SLC39A11: variants seen among roughly 807,000 people sequenced by gnomAD.
SLC39A11 encodes zinc transporter ZIP11.
SLC39A11 carries 33 observed loss-of-function variants against 36.1 expected under a neutral mutation model. The ratio of observed to expected loss-of-function variants is 0.91; its 90% CI spans 0.69 to 1.22. The LOEUF is 1.22. Ranked by LOEUF, SLC39A11 falls within the 50% of genes most tolerant of loss-of-function variation. SLC39A11 has a pLI of 0.00. For synonymous variants in SLC39A11, 166 were observed against 170.3 expected, an observed-to-expected ratio of 0.97 and a Z score of 0.20; for missense variants, 432 against 430.3, an observed-to-expected ratio of 1.00 and a Z score of -0.03.
intron 7 of SLC39A11, among the ~76,000 whole-genome samples, chr17:72,729,438 TATATATATATATATATA>T (rs1567994970): frequency 3.4e-3 from 16 of 4,768 alleles, no homozygotes; most frequent in East Asian, 0.012. Context: ...TATATATATA[TATATATATATATATATA>T]TATTTTTTTT....
At chr17:72,873,899 G>C (rs2080769040) in intron 5 of SLC39A11, among the ~76,000 whole-genome samples, 1 of 152,106 alleles carries the variant, frequency 6.6e-6, no homozygotes, top group Non-Finnish European at 1.5e-5. Context: ...TGCTATTCTC[G>C]TGATTCCTTC....
chr17:72,976,996 G>A (rs1312459160), intron 4 of SLC39A11, among the ~76,000 whole-genome samples: 1 of 152,156 alleles, frequency 6.6e-6, no homozygotes, highest in Admixed American at 6.5e-5. Flanking sequence ...CAGGACCTAT[G>A]ACTATGACAC....
At chr17:72,827,979 A>T (rs2078102644) in intron 6 of SLC39A11, among the ~76,000 whole-genome samples, 1 of 152,254 alleles carries the variant, frequency 6.6e-6, no homozygotes, top group Non-Finnish European at 1.5e-5. Flanking sequence ...TTGAGGCTTC[A>T]CGTGGGCAAG....
chr17:72,653,305 C>A (rs1439309420), intron 7 of SLC39A11, among the ~76,000 whole-genome samples: 4 of 151,356 alleles, frequency 2.6e-5, no homozygotes, highest in Non-Finnish European at 5.9e-5. Context: ...GACAGGGTTT[C>A]AGAATATTAG....
chr17:73,070,690 G>T lies in SLC39A11; in HGVS notation c.147+14118C>A, dbSNP rs931833769. Among the ~76,000 whole-genome samples, 3 of 152,202 alleles carry T rather than the reference G, an allele frequency of 2.0e-5. No homozygotes were observed. The East Asian group carries it at 5.8e-4, about 29-fold the overall frequency. On this transcript the variant is annotated intron_variant, in intron 3 of 9. Transcript: ENST00000255559. ...TTCCCACATGTTGTGGGAGGGACCC[G>T]GTGGGAGGTAATTAAATCATGAGGG...
intron 7 of SLC39A11, among the ~76,000 whole-genome samples, chr17:72,688,948 C>T (rs372734101): frequency 2.6e-5 from 4 of 152,158 alleles, no homozygotes; most frequent in Non-Finnish European, 5.9e-5. Flanking sequence ...ATTCACACCC[C>T]GCAGGCTCTG....
chr17:72,858,590 G>A (rs371585595), intron 5 of SLC39A11, among the ~76,000 whole-genome samples: 33 of 152,220 alleles, frequency 2.2e-4, no homozygotes, highest in African/African-American at 7.2e-4. Flanking sequence ...TAATACTATC[G>A]ATTCTTCCTA....
chr17:72,942,913 G>A (rs1312365134), intron 5 of SLC39A11, among the ~76,000 whole-genome samples: 1 of 152,168 alleles, frequency 6.6e-6, no homozygotes, highest in African/African-American at 2.4e-5. Context: ...TTGAACTAGA[G>A]AAACCGTTCC....
intron 4 of SLC39A11, among the ~76,000 whole-genome samples, chr17:72,949,196 G>A (rs1271224037): frequency 2.2e-5 from 2 of 89,368 alleles, no homozygotes; most frequent in East Asian, 9.2e-4. Flanking sequence ...GTTTCACTCT[G>A]TCACCTAGGC....
intron 4 of SLC39A11, among the ~76,000 whole-genome samples, chr17:72,949,950 G>GACACAC (rs67207508): frequency 1.2e-4 from 17 of 146,252 alleles, no homozygotes; most frequent in African/African-American, 2.8e-4. Flanking sequence ...AGGCTGCTGT[G>GACACAC]ACACACACAC....
chr17:73,047,325 G>A (rs1052984796), intron 3 of SLC39A11, among the ~76,000 whole-genome samples: 1 of 152,120 alleles, frequency 6.6e-6, no homozygotes, highest in Non-Finnish European at 1.5e-5. Context: ...CGCCCGGCAA[G>A]AAGAACCACC....
Position 72,883,733 on chromosome 17 carries a change from G to A in SLC39A11, c.431-33929C>T, listed in dbSNP as rs1309331170. Among the ~76,000 whole-genome samples the A allele has an allele frequency of 3.9e-5, 6 of 152,190 alleles. No individual in the cohort carries two copies. In the East Asian group the frequency reaches 1.2e-3, roughly 29 times the overall value. On this transcript the variant is annotated intron_variant, in intron 5 of 9. Coordinates refer to ENST00000255559, the MANE Select transcript of SLC39A11 (RefSeq NM_139177.4). ...GGTCCAGGGGAAAGCCATGAAGATG[G>A]CTATTATACACACCTCCATCCCTCC...
At chr17:72,801,605 T>C (rs2077086371) in intron 6 of SLC39A11, among the ~76,000 whole-genome samples, 1 of 152,252 alleles carries the variant, frequency 6.6e-6, no homozygotes, top group African/African-American at 2.4e-5. Flanking sequence ...GAATTGCACA[T>C]TGTAAATGGT....
At chr17:72,693,015 A>G (rs998857067) in intron 7 of SLC39A11, among the ~76,000 whole-genome samples, 2 of 152,358 alleles carry the variant, frequency 1.3e-5, no homozygotes, top group African/African-American at 4.8e-5. Context: ...ATTAAATACT[A>G]TCAGCATTCT....
At chr17:72,722,486 G>A (rs1254299598) in intron 7 of SLC39A11, among the ~76,000 whole-genome samples, 2 of 141,598 alleles carry the variant, frequency 1.4e-5, no homozygotes, top group Admixed American at 7.0e-5. Context: ...TTTTCATATT[G>A]TTTTACAGAA....
chr17:72,878,026 G>A (rs2081008073), intron 5 of SLC39A11, among the ~76,000 whole-genome samples: 1 of 132,732 alleles, frequency 7.5e-6, no homozygotes, highest in Non-Finnish European at 1.5e-5. Flanking sequence ...GGGTCCATGT[G>A]TTCTCATTGT....
At chr17:72,812,990 T>C (rs960446103) in intron 6 of SLC39A11, among the ~76,000 whole-genome samples, 5 of 152,144 alleles carry the variant, frequency 3.3e-5, no homozygotes, top group African/African-American at 9.7e-5. Flanking sequence ...ATTCTCCCAA[T>C]CCGATTTTCT....
intron 7 of SLC39A11, among the ~76,000 whole-genome samples, chr17:72,667,825 T>C (rs756143192): frequency 3.9e-5 from 6 of 152,248 alleles, no homozygotes; most frequent in Non-Finnish European, 7.3e-5. Flanking sequence ...ACTTGCTCTA[T>C]GCAGAAAATA....
intron 4 of SLC39A11, among the ~76,000 whole-genome samples, chr17:72,955,669 G>A (rs545650810): frequency 9.2e-5 from 14 of 151,960 alleles, no homozygotes; most frequent in East Asian, 7.7e-4. Context: ...GCTGTGTCTC[G>A]CGGCCCTACT....
Sources: gnomAD v4.1 joint callset for allele counts (sites outside exome capture counted in the v4.1 genomes callset) on GRCh38, gnomAD v4.1.1 for gene constraint, MANE v1.5 for transcripts, NCBI Gene and HGNC (gene_info 2026-07-23, HGNC 2026-07-21) for gene names.